The following SLC36A1 variants were observed in gnomAD, a reference collection of about 807,000 sequenced individuals.
SLC36A1 encodes solute carrier family 36 member 1.
In SLC36A1, 30 loss-of-function variants were observed where a neutral mutation model predicts 47.5. That is an observed-to-expected ratio of 0.63 (90% confidence interval 0.47 to 0.86). SLC36A1 has a LOEUF of 0.86. Ranked by LOEUF, SLC36A1 falls within the 40% of genes least tolerant of loss-of-function variation. The pLI is 0.00. For synonymous variants in SLC36A1, 255 were observed against 249.7 expected (o/e 1.02, Z -0.20); for missense variants, 517 against 606.0 (o/e 0.85, Z 1.54).
the SLC36A1 span, among the ~76,000 whole-genome samples, chr5:151,389,645 G>A: frequency 6.1e-5 from 9 of 148,182 alleles, no homozygotes; most frequent in Admixed American, 4.9e-4. Context: ...ACCATTGAGT[G>A]AGAACATGCG....
the SLC36A1 span, among the ~76,000 whole-genome samples, chr5:151,379,581 C>T: frequency 6.6e-6 from 1 of 152,310 alleles, no homozygotes; most frequent in Non-Finnish European, 1.5e-5. Flanking sequence ...ATCTGCCCGC[C>T]TCGGCCTCCC....
intron 1 of SLC36A1, among the ~76,000 whole-genome samples, chr5:151,458,341 T>G (rs56680323): frequency 1.8e-5 from 2 of 108,494 alleles, no homozygotes; most frequent in Admixed American, 8.8e-5. Flanking sequence ...TATGGGATAT[T>G]TATATATATA....
intron 1 of SLC36A1, among the ~76,000 whole-genome samples, chr5:151,450,325 T>C (rs1399147976): frequency 1.3e-5 from 2 of 151,752 alleles, no homozygotes; most frequent in South Asian, 2.1e-4. Context: ...GGAGCCGGTG[T>C]CCACTTACTA....
chr5:151,393,617 G>T, the SLC36A1 span, among the ~76,000 whole-genome samples: 770 of 152,250 alleles, frequency 5.1e-3, 6 homozygotes, highest in Non-Finnish European at 8.1e-3. Flanking sequence ...AAATCTCTCA[G>T]CATTTGCTTG....
At chr5:151,511,540 C>T in the SLC36A1 span, 1 of 152,836 alleles carries the variant, frequency 6.5e-6, no homozygotes, top group African/African-American at 2.4e-5. Context: ...GAGAATGCTC[C>T]CTGCAGCATT....
At chr5:151,535,782 T>C in the SLC36A1 span, among the ~76,000 whole-genome samples, 8 of 152,118 alleles carry the variant, frequency 5.3e-5, no homozygotes, top group Admixed American at 2.6e-4. Flanking sequence ...CCATGGGATC[T>C]GACACTATCT....
At chr5:151,550,462 A>C in the SLC36A1 span, 2 of 1,089,638 alleles carry the variant, frequency 1.8e-6, no homozygotes, top group Non-Finnish European at 2.6e-6. Flanking sequence ...CAGCTGTGAA[A>C]TGTCACAACT....
At chr5:151,545,407 A>G in the SLC36A1 span, 7,530 of 1,614,162 alleles carry the variant, frequency 4.7e-3, 33 homozygotes, top group South Asian at 6.1e-3. Context: ...GCCAGTTTTG[A>G]TGCTATAATT....
intron 9 of SLC36A1, among the ~76,000 whole-genome samples, chr5:151,477,748 C>T (rs1758275266): frequency 1.3e-5 from 2 of 152,136 alleles, no homozygotes; most frequent in South Asian, 4.1e-4. Context: ...TTTTAAATTT[C>T]CAAATGTTTC....
At chr5:151,496,188 A>G (rs1760334301), downstream of SLC36A1, among the ~76,000 whole-genome samples, 1 of 152,008 alleles carries the variant, frequency 6.6e-6, no homozygotes, top group African/African-American at 2.4e-5. Context: ...ACGAGATCTG[A>G]TGGTTTTAAA....
chr5:151,388,976 A>C, the SLC36A1 span, among the ~76,000 whole-genome samples: 2 of 152,082 alleles, frequency 1.3e-5, no homozygotes, highest in African/African-American at 4.8e-5. Context: ...TAGAAAAAAA[A>C]CCCCACTGCT....
At chr5:151,399,449 A>G in the SLC36A1 span, among the ~76,000 whole-genome samples, 3 of 152,138 alleles carry the variant, frequency 2.0e-5, no homozygotes, top group African/African-American at 7.2e-5. Context: ...TGAGCTATGT[A>G]AGAATAACCC....
the SLC36A1 span, among the ~76,000 whole-genome samples, chr5:151,429,468 C>A: frequency 0.025 from 3,738 of 150,244 alleles, 159 homozygotes; most frequent in African/African-American, 0.087. Flanking sequence ...TTTGTCCTTG[C>A]GATAGTTTGC....
the SLC36A1 span, among the ~76,000 whole-genome samples, chr5:151,536,401 C>T: frequency 6.6e-6 from 1 of 152,232 alleles, no homozygotes; most frequent in East Asian, 1.9e-4. Flanking sequence ...CCCCTGCCAC[C>T]CCCTGCTCAG....
At chr5:151,494,772 G>T (rs1476387099), downstream of SLC36A1, among the ~76,000 whole-genome samples, 1 of 152,028 alleles carries the variant, frequency 6.6e-6, no homozygotes, top group African/African-American at 2.4e-5. Context: ...TAAATTTCTG[G>T]TAAACAATTT....
chr5:151,429,511 C>T, the SLC36A1 span, among the ~76,000 whole-genome samples: 2 of 151,710 alleles, frequency 1.3e-5, no homozygotes, highest in East Asian at 3.9e-4. Flanking sequence ...CATCCATGTC[C>T]CTACAAAGGA....
intron 2 of SLC36A1, among the ~76,000 whole-genome samples, chr5:151,463,221 C>G (rs1435416979): frequency 6.6e-6 from 1 of 152,146 alleles, no homozygotes. Context: ...GAACCAGACC[C>G]AAATACACTT....
the SLC36A1 span, among the ~76,000 whole-genome samples, chr5:151,383,891 C>T: frequency 6.6e-6 from 1 of 152,212 alleles, no homozygotes; most frequent in East Asian, 1.9e-4. Flanking sequence ...AAATTTTTTT[C>T]AGCAACATGT....
the SLC36A1 span, among the ~76,000 whole-genome samples, chr5:151,403,321 C>G: frequency 1.3e-5 from 2 of 152,112 alleles, no homozygotes; most frequent in Admixed American, 1.3e-4. Context: ...TGTCATCCCC[C>G]CAGTGTTGAA....
Sources: allele counts gnomAD v4.1 joint callset (sites outside exome capture counted in the v4.1 genomes callset), GRCh38; gene constraint gnomAD v4.1.1; transcripts MANE v1.5; gene names NCBI Gene and HGNC (gene_info 2026-07-23, HGNC 2026-07-21).